Variants in GYPC observed in about 807,000 individuals in gnomAD.
The protein encoded by GYPC is glycophorin-C.
Under a neutral mutation model 12.6 loss-of-function variants are expected in GYPC, and 14 were observed. That is an observed-to-expected ratio of 1.11 (90% CI 0.74 to 1.74). The LOEUF is 1.74. Among genes scored for constraint, GYPC ranks in the 40% most tolerant of loss-of-function variants. The pLI is 0.00. For synonymous variants in GYPC, 78 were observed against 62.1 expected, an observed-to-expected ratio of 1.26 and a Z score of -1.20; for missense variants, 225 against 172.1, an observed-to-expected ratio of 1.31 and a Z score of -1.72.
intron 1 of GYPC, among the ~76,000 whole-genome samples, chr2:126,687,814 G>C (rs886353649): frequency 2.0e-5 from 3 of 152,180 alleles, no homozygotes; most frequent in African/African-American, 7.2e-5. Context: ...AGTGTGTGTA[G>C]TCTCCCAGTA....
At position 126,656,205 on chromosome 2, in the gene GYPC, GC is replaced by G; in HGVS notation, c.-56del. On this transcript the variant is annotated 5_prime_UTR_variant, in exon 1 of 4. Coordinates refer to ENST00000259254, the MANE Select transcript of GYPC (RefSeq NM_002101.5). ...AGCCCGGGAGCGCGACCCTCCCCCG[GC>G]CCGGCCTGGCCCGGCCTGGCCAGTC... 1 of 1,548,538 alleles carries G rather than the reference GC, an allele frequency of 6.5e-7. No individual in the cohort carries two copies.
At chr2:126,686,067 A>T in intron 1 of GYPC, 1 of 985,284 alleles carries the variant, frequency 1.0e-6, no homozygotes, top group Non-Finnish European at 1.2e-6. Context: ...GAGGGGAGCC[A>T]TAGGAGATGG....
intron 1 of GYPC, among the ~76,000 whole-genome samples, chr2:126,665,588 G>A (rs1046203495): frequency 1.3e-5 from 2 of 152,184 alleles, no homozygotes; most frequent in Non-Finnish European, 2.9e-5. Flanking sequence ...GCCACCCTGT[G>A]AGGGGCCCAG....
At chr2:126,693,754 C>T in intron 2 of GYPC, 110 bp from the exon 3 acceptor site, 1 of 796,934 alleles carries the variant, frequency 1.3e-6, no homozygotes, top group Non-Finnish European at 2.3e-6. Flanking sequence ...CCACTTGGAC[C>T]CATTCTCAGA....
At chr2:126,664,035 T>TCCAGGTCCCAAACTCCTGGGAGGGGAG (rs1297421847) in intron 1 of GYPC, among the ~76,000 whole-genome samples, 2 of 150,846 alleles carry the variant, frequency 1.3e-5, no homozygotes, top group African/African-American at 4.9e-5. Flanking sequence ...TTCCAGCTTT[T>TCCAGGTCCCAAACTCCTGGGAGGGGAG]CCAGGTCCCA....
chr2:126,687,795 C>T (rs1683333936), intron 1 of GYPC, among the ~76,000 whole-genome samples: 1 of 152,182 alleles, frequency 6.6e-6, no homozygotes. Context: ...GCCTGGCTGC[C>T]CTGCTGGAAG....
rs542846993 is a variant in GYPC at position 126,691,433 on chromosome 2, C to T, written c.106+1122C>T. ...ACCTTGGCATTCTCTGCGTTACCCT[C>T]TCCCACTTCAGTCCTTTGTGTGGCC... On this transcript the variant is annotated intron_variant, in intron 2 of 3. Transcript: ENST00000259254. Among the ~76,000 whole-genome samples, 63 of 152,252 alleles carry T rather than the reference C, an allele frequency of 4.1e-4. 2 individuals are homozygous for T. In the South Asian group the frequency reaches 0.013, roughly 31 times the overall value.
chr2:126,690,939 C>T (rs1174866246), intron 2 of GYPC, among the ~76,000 whole-genome samples: 1 of 151,948 alleles, frequency 6.6e-6, no homozygotes, highest in Non-Finnish European at 1.5e-5. Flanking sequence ...CAGGAAACAT[C>T]TACAATTTGA....
chr2:126,686,807 C>G (rs1270007639), intron 1 of GYPC, among the ~76,000 whole-genome samples: 1 of 152,078 alleles, frequency 6.6e-6, no homozygotes, highest in Non-Finnish European at 1.5e-5. Context: ...CAAGCTTGGC[C>G]GTAATCAACA....
intron 1 of GYPC, among the ~76,000 whole-genome samples, chr2:126,660,815 A>C (rs1245259367): frequency 6.6e-6 from 1 of 152,154 alleles, no homozygotes; most frequent in East Asian, 1.9e-4. Context: ...GACAGGAGTC[A>C]ACCCCAAACA....
intron 1 of GYPC, among the ~76,000 whole-genome samples, chr2:126,685,346 C>T (rs919090212): frequency 5.9e-5 from 9 of 151,892 alleles, no homozygotes; most frequent in African/African-American, 2.2e-4. Flanking sequence ...TTGCACAAAG[C>T]CTTTCTGCTT....
chr2:126,686,382 T>G (rs17741936), intron 1 of GYPC: 340,373 of 985,354 alleles, frequency 0.35, 59,333 homozygotes, highest in Middle Eastern at 0.42. Flanking sequence ...GGTGGCTGCC[T>G]TCTGCCAGAG....
chr2:126,662,791 GT>G (rs1682567807), intron 1 of GYPC, among the ~76,000 whole-genome samples: 1 of 152,172 alleles, frequency 6.6e-6, no homozygotes, highest in East Asian at 1.9e-4. Flanking sequence ...ACATCCTAGT[GT>G]AGTGCCTGGT....
At chr2:126,670,921 C>T (rs1217194342) in intron 1 of GYPC, among the ~76,000 whole-genome samples, 5 of 152,174 alleles carry the variant, frequency 3.3e-5, no homozygotes, top group African/African-American at 7.2e-5. Flanking sequence ...CCATAGAGAC[C>T]GGTGGCCCCC....
intron 1 of GYPC, among the ~76,000 whole-genome samples, chr2:126,670,172 C>G (rs1307956208): frequency 1.3e-5 from 2 of 152,230 alleles, no homozygotes; most frequent in African/African-American, 2.4e-5. Flanking sequence ...GACCGCAGCT[C>G]CCACTCAGGG....
intron 1 of GYPC, among the ~76,000 whole-genome samples, chr2:126,677,344 AAT>A (rs1491580828): frequency 2.1e-5 from 3 of 143,126 alleles, no homozygotes; most frequent in African/African-American, 7.6e-5. Flanking sequence ...TGTAAGAAAG[AAT>A]GTGTGTGTGA....
At chr2:126,677,988 A>C (rs1428530849) in intron 1 of GYPC, among the ~76,000 whole-genome samples, 4 of 152,170 alleles carry the variant, frequency 2.6e-5, no homozygotes, top group African/African-American at 4.8e-5. Context: ...TTGGGAGGCC[A>C]AGGTGGGCGG....
intron 1 of GYPC, among the ~76,000 whole-genome samples, chr2:126,661,803 G>A (rs2104769634): frequency 6.6e-6 from 1 of 152,284 alleles, no homozygotes; most frequent in East Asian, 1.9e-4. Flanking sequence ...GTCACACACT[G>A]CTTGGGGCCC....
At chr2:126,665,687 C>T (rs1204913000) in intron 1 of GYPC, among the ~76,000 whole-genome samples, 1 of 152,264 alleles carries the variant, frequency 6.6e-6, no homozygotes, top group African/African-American at 2.4e-5. Context: ...CTACAGCAGA[C>T]TCGGCACAGG....
Sources: gnomAD v4.1 joint callset for allele counts (sites outside exome capture counted in the v4.1 genomes callset) on GRCh38, gnomAD v4.1.1 for gene constraint, MANE v1.5 for transcripts, NCBI Gene and HGNC (gene_info 2026-07-23, HGNC 2026-07-21) for gene names.